The following EYS variants were observed in gnomAD, a reference collection of about 807,000 sequenced individuals.
The protein encoded by EYS is EGF-like photoreceptor maintenance factor.
A neutral mutation model predicts 282.1 loss-of-function variants in EYS; 250 were observed. The ratio of observed to expected loss-of-function variants is 0.89; its 90% confidence interval spans 0.80 to 0.98. The LOEUF is 0.98. EYS is among the 50% of genes least tolerant of loss of function. The pLI, the probability that EYS is intolerant of heterozygous loss-of-function variation, is 0.00. For missense variants in EYS, 4,016 were observed against 3,709.0 expected, an observed-to-expected ratio of 1.08 and a Z score of -2.15; for synonymous variants, 1,355 against 1,282.9, an observed-to-expected ratio of 1.06 and a Z score of -1.20.
intron 13 of EYS, among the ~76,000 whole-genome samples, chr6:65,034,564 T>C (rs1772707641): frequency 6.6e-6 from 1 of 152,066 alleles, no homozygotes; most frequent in African/African-American, 2.4e-5. Flanking sequence ...CACCTCCCCC[T>C]GACTCTCCAT....
At chr6:64,477,625 T>A (rs73455416) in intron 26 of EYS, among the ~76,000 whole-genome samples, 1,878 of 152,232 alleles carry the variant, frequency 0.012, 38 homozygotes, top group African/African-American at 0.043. Context: ...GTATCTTCAA[T>A]CTTCTGCTTA....
At chr6:65,239,059 T>A (rs1766994141) in intron 12 of EYS, among the ~76,000 whole-genome samples, 1 of 152,050 alleles carries the variant, frequency 6.6e-6, no homozygotes, top group South Asian at 2.1e-4. Flanking sequence ...GGCTAAAATA[T>A]TTTGTCAGGT....
At chr6:64,156,006 GTATGTGTGTATGTT>G (rs1419986866) in intron 31 of EYS, among the ~76,000 whole-genome samples, 2 of 150,020 alleles carry the variant, frequency 1.3e-5, no homozygotes, top group African/African-American at 5.0e-5. Flanking sequence ...GTGTGTGTGT[GTATGTGTGTATGTT>G]TATGTGTGTG....
intron 5 of EYS, among the ~76,000 whole-genome samples, chr6:65,437,735 C>G (rs1431755504): frequency 6.6e-6 from 1 of 152,058 alleles, no homozygotes; most frequent in Non-Finnish European, 1.5e-5. Flanking sequence ...ATTATAATGG[C>G]TTAGAGATTT....
intron 5 of EYS, among the ~76,000 whole-genome samples, chr6:65,485,586 C>G (rs1287253180): frequency 6.6e-6 from 1 of 152,194 alleles, no homozygotes; most frequent in Non-Finnish European, 1.5e-5. Context: ...AAGTGGATCG[C>G]TGGAGGACAA....
At chr6:65,589,691 A>T (rs1458751548) in intron 2 of EYS, among the ~76,000 whole-genome samples, 1 of 152,042 alleles carries the variant, frequency 6.6e-6, no homozygotes, top group Non-Finnish European at 1.5e-5. Context: ...TATACTTAAA[A>T]AAATTAAATT....
intron 22 of EYS, among the ~76,000 whole-genome samples, chr6:64,677,895 C>A (rs1769749049): frequency 2.0e-5 from 3 of 151,324 alleles, no homozygotes; most frequent in East Asian, 2.0e-4. Context: ...TTGATATATA[C>A]CTACTAGGTA....
chr6:64,556,215 G>A (rs910054394), intron 26 of EYS, among the ~76,000 whole-genome samples: 2 of 151,880 alleles, frequency 1.3e-5, no homozygotes, highest in African/African-American at 2.4e-5. Flanking sequence ...CAAAATTGAC[G>A]AGAACTGAAA....
chr6:64,402,199 A>G (rs1773556820), intron 28 of EYS, among the ~76,000 whole-genome samples: 1 of 152,152 alleles, frequency 6.6e-6, no homozygotes, highest in Admixed American at 6.5e-5. Flanking sequence ...GATCTCTTTA[A>G]TGTCTAACAC....
rs1355461460 is a variant in EYS, at chr6:65,344,186, A to C, written c.1460-9T>G. ...CTTTTCGCCTTCAGATCCTTTAAAA[A>C]AAAAGAGATAAAAAATTAAATAAAC... On this transcript the variant is annotated splice_polypyrimidine_tract_variant and intron_variant, in intron 9 of 42. Transcript: ENST00000503581. The C allele has an allele frequency of 1.9e-6, 3 of 1,594,906 alleles. No homozygotes were observed. The highest frequency in any genetic ancestry group is 2.6e-6 in the Non-Finnish European group (3 of 1,165,098).
chr6:65,209,658 C>T (rs1398584518), intron 12 of EYS, among the ~76,000 whole-genome samples: 1 of 151,694 alleles, frequency 6.6e-6, no homozygotes, highest in South Asian at 2.1e-4. Flanking sequence ...GACATAGAAC[C>T]CAAAACATAT....
chr6:64,408,889 G>T (rs73764440), intron 28 of EYS, among the ~76,000 whole-genome samples: 5,833 of 152,146 alleles, frequency 0.038, 364 homozygotes, highest in African/African-American at 0.13. Flanking sequence ...AAATGACTTT[G>T]TCACCCAGGT....
At chr6:63,968,875 C>T (rs966385161) in intron 35 of EYS, among the ~76,000 whole-genome samples, 5 of 152,096 alleles carry the variant, frequency 3.3e-5, no homozygotes, top group African/African-American at 1.2e-4. Flanking sequence ...GTCAGTAATG[C>T]AAATCCAAAA....
chr6:63,750,618 A>G (rs1054973869), intron 41 of EYS, among the ~76,000 whole-genome samples: 14 of 152,066 alleles, frequency 9.2e-5, no homozygotes, highest in Admixed American at 9.2e-4. Context: ...AGAACATTGG[A>G]CTCATGTTCT....
At chr6:64,531,992 G>A (rs942745169) in intron 26 of EYS, among the ~76,000 whole-genome samples, 1 of 152,100 alleles carries the variant, frequency 6.6e-6, no homozygotes, top group African/African-American at 2.4e-5. Context: ...TGGACATAAA[G>A]CATGAGAGGT....
intron 7 of EYS, among the ~76,000 whole-genome samples, chr6:65,401,653 A>C (rs1351641466): frequency 6.6e-6 from 1 of 152,048 alleles, no homozygotes; most frequent in African/African-American, 2.4e-5. Flanking sequence ...TAATTTAAAA[A>C]AAATCTTTAA....
intron 35 of EYS, among the ~76,000 whole-genome samples, chr6:63,869,184 T>C (rs193154468): frequency 1.3e-5 from 2 of 152,120 alleles, no homozygotes; most frequent in East Asian, 3.9e-4. Context: ...TAAGAAAGGG[T>C]AAGAGCAAAT....
intron 14 of EYS, among the ~76,000 whole-genome samples, chr6:64,947,973 A>T (rs1769348261): frequency 6.6e-6 from 1 of 151,852 alleles, no homozygotes; most frequent in South Asian, 2.1e-4. Flanking sequence ...AAACAAATTT[A>T]GTGAGTCAAA....
chr6:63,861,937 G>A (rs531512890), intron 36 of EYS, among the ~76,000 whole-genome samples: 1 of 152,320 alleles, frequency 6.6e-6, no homozygotes, highest in East Asian at 1.9e-4. Context: ...TTCCATTACA[G>A]CAGCTGGAGT....
Sources: gnomAD v4.1 joint callset for allele counts (sites outside exome capture counted in the v4.1 genomes callset) on GRCh38, gnomAD v4.1.1 for gene constraint, MANE v1.5 for transcripts, NCBI Gene and HGNC (gene_info 2026-07-23, HGNC 2026-07-21) for gene names.